CACNA2D3: variants seen among roughly 807,000 people sequenced by gnomAD.
CACNA2D3 encodes the protein voltage-dependent calcium channel subunit alpha-2/delta-3.
A neutral mutation model predicts 160.6 loss-of-function variants in CACNA2D3; 60 were observed. The observed-to-expected ratio is 0.37, with a 90% CI of 0.30 to 0.46. The LOEUF is 0.46. Ranked by LOEUF, CACNA2D3 falls within the 20% of genes least tolerant of loss-of-function variation. The pLI is 1.00. For synonymous variants in CACNA2D3, 558 were observed against 492.9 expected (o/e 1.13, Z -1.75); for missense variants, 1,205 against 1,365.0 (o/e 0.88, Z 1.85).
chr3:54,251,246 A>T (rs1346305161), intron 2 of CACNA2D3, among the ~76,000 whole-genome samples: 1 of 152,156 alleles, frequency 6.6e-6, no homozygotes, highest in African/African-American at 2.4e-5. Context: ...GAGAGCAGTG[A>T]AGAGTCTTCT....
intron 5 of CACNA2D3, among the ~76,000 whole-genome samples, chr3:54,527,525 G>A (rs937745215): frequency 5.9e-5 from 9 of 152,134 alleles, no homozygotes; most frequent in East Asian, 1.9e-4. Flanking sequence ...CCAGTGTGGA[G>A]CGTTCGCCTT....
chr3:54,806,109 A>C (rs1467506221), intron 13 of CACNA2D3, among the ~76,000 whole-genome samples: 1 of 152,258 alleles, frequency 6.6e-6, no homozygotes, highest in African/African-American at 2.4e-5. Flanking sequence ...CTGAATGGGC[A>C]AAAACTGGAA....
At chr3:54,863,700 C>G (rs979654641) in intron 17 of CACNA2D3, among the ~76,000 whole-genome samples, 1 of 146,570 alleles carries the variant, frequency 6.8e-6, no homozygotes, top group African/African-American at 2.5e-5. Flanking sequence ...TTCAAAGCAG[C>G]CTGTTAATTG....
chr3:54,378,329 A>G (rs994306283), intron 3 of CACNA2D3, among the ~76,000 whole-genome samples: 10 of 152,196 alleles, frequency 6.6e-5, no homozygotes, highest in Non-Finnish European at 1.3e-4. Context: ...GCAGTTCACA[A>G]TAGAGTTCAT....
chr3:54,410,680 G>A (rs914961248), intron 4 of CACNA2D3, among the ~76,000 whole-genome samples: 1 of 149,200 alleles, frequency 6.7e-6, no homozygotes, highest in South Asian at 2.1e-4. Flanking sequence ...AACTCACATG[G>A]CAACCTAAGA....
intron 2 of CACNA2D3, among the ~76,000 whole-genome samples, chr3:54,312,505 C>T (rs536530597): frequency 3.9e-5 from 6 of 152,048 alleles, no homozygotes; most frequent in Non-Finnish European, 5.9e-5. Context: ...CTGTTCTAGG[C>T]GACTCACTTT....
At chr3:55,005,626 A>T (rs1368181229) in intron 32 of CACNA2D3, among the ~76,000 whole-genome samples, 1 of 152,184 alleles carries the variant, frequency 6.6e-6, no homozygotes, top group Non-Finnish European at 1.5e-5. Context: ...ACAGACGAGG[A>T]TCAATCAGCA....
At chr3:54,484,483 C>T (rs999673991) in intron 4 of CACNA2D3, among the ~76,000 whole-genome samples, 4 of 152,042 alleles carry the variant, frequency 2.6e-5, no homozygotes, top group South Asian at 2.1e-4. Context: ...CCGTGGTAAC[C>T]GGGGATGGAC....
At chr3:54,496,246 T>C (rs1220837016) in intron 4 of CACNA2D3, among the ~76,000 whole-genome samples, 1 of 152,226 alleles carries the variant, frequency 6.6e-6, no homozygotes, top group East Asian at 1.9e-4. Context: ...CCAAAGTGTT[T>C]GTACCATTTT....
At chr3:54,390,377 A>G (rs1274493814) in intron 4 of CACNA2D3, among the ~76,000 whole-genome samples, 2 of 152,200 alleles carry the variant, frequency 1.3e-5, no homozygotes, top group African/African-American at 4.8e-5. Context: ...ATCTCTCTTG[A>G]AAAAATGAGG....
intron 2 of CACNA2D3, among the ~76,000 whole-genome samples, chr3:54,159,137 G>A (rs1020932193): frequency 1.3e-5 from 2 of 151,960 alleles, no homozygotes; most frequent in Non-Finnish European, 2.9e-5. Context: ...TTTCTGTTGG[G>A]ATTTTGATTG....
chr3:54,182,357 A>G, intron 2 of CACNA2D3, among the ~76,000 whole-genome samples: 1 of 152,182 alleles, frequency 6.6e-6, no homozygotes, highest in East Asian at 1.9e-4. Flanking sequence ...AAATATTGTC[A>G]CCCTTTATTG....
chr3:55,030,851 A>T (rs11712048), intron 35 of CACNA2D3, among the ~76,000 whole-genome samples: 5,160 of 152,128 alleles, frequency 0.034, 122 homozygotes, highest in Middle Eastern at 0.054. Flanking sequence ...CAGTGTTTGG[A>T]GGGTTTTAGT....
chr3:54,511,725 T>C (rs1397113652), intron 5 of CACNA2D3, among the ~76,000 whole-genome samples: 1 of 152,172 alleles, frequency 6.6e-6, no homozygotes, highest in Non-Finnish European at 1.5e-5. Context: ...AGAGCAGGAA[T>C]GGTTACTAAT....
At chr3:54,502,325 C>G (rs1701307698) in intron 4 of CACNA2D3, among the ~76,000 whole-genome samples, 1 of 152,140 alleles carries the variant, frequency 6.6e-6, no homozygotes, top group Admixed American at 6.5e-5. Flanking sequence ...ATTTTCTCTT[C>G]TTTTTGCATT....
chr3:54,240,024 G>T (rs1007601430), intron 2 of CACNA2D3, among the ~76,000 whole-genome samples: 1 of 152,184 alleles, frequency 6.6e-6, no homozygotes, highest in Admixed American at 6.5e-5. Context: ...AATAAAGTTT[G>T]CATAGGGAAC....
intron 2 of CACNA2D3, among the ~76,000 whole-genome samples, chr3:54,236,894 A>C (rs1435022614): frequency 1.3e-5 from 2 of 152,040 alleles, no homozygotes; most frequent in Non-Finnish European, 2.9e-5. Context: ...ATATCATGCC[A>C]TTGGCAGTTT....
At chr3:55,040,837 C>G (rs751716602) in intron 35 of CACNA2D3, among the ~76,000 whole-genome samples, 2 of 152,186 alleles carry the variant, frequency 1.3e-5, no homozygotes, top group Non-Finnish European at 1.5e-5. Context: ...GTCAATGCCA[C>G]AACCACAAAA....
At chr3:54,555,288 T>G (rs1702225960) in intron 5 of CACNA2D3, among the ~76,000 whole-genome samples, 1 of 152,202 alleles carries the variant, frequency 6.6e-6, no homozygotes, top group East Asian at 1.9e-4. Flanking sequence ...TTAATTTGCT[T>G]GGATCTATGT....
Sources: allele counts gnomAD v4.1 joint callset (sites outside exome capture counted in the v4.1 genomes callset), GRCh38; gene constraint gnomAD v4.1.1; transcripts MANE v1.5; gene names NCBI Gene and HGNC (gene_info 2026-07-23, HGNC 2026-07-21).